LHX6: variants seen among roughly 807,000 people sequenced by gnomAD.
The protein encoded by LHX6 is LIM homeobox 6.
A neutral mutation model predicts 47.1 loss-of-function variants in LHX6; 15 were observed. The observed-to-expected ratio is 0.32, with a 90% CI of 0.21 to 0.49. The LOEUF is 0.49. LHX6 is among the 20% of genes least tolerant of loss of function. LHX6 has a pLI of 0.99. For missense variants in LHX6, 404 were observed against 539.6 expected, an observed-to-expected ratio of 0.75 and a Z score of 2.49; for synonymous variants, 242 against 233.5, an observed-to-expected ratio of 1.04 and a Z score of -0.33.
chr9:122,208,125 G>T (rs916283380), intron 9 of LHX6, among the ~76,000 whole-genome samples: 3 of 152,032 alleles, frequency 2.0e-5, no homozygotes, highest in Non-Finnish European at 2.9e-5. Context: ...CCACACTGCC[G>T]CAGCATAAAA....
chr9:122,206,801 C>T (rs1211455629), intron 9 of LHX6, among the ~76,000 whole-genome samples: 1 of 152,128 alleles, frequency 6.6e-6, no homozygotes, highest in African/African-American at 2.4e-5. Flanking sequence ...TCTGTGGCCC[C>T]TGTCGGCTCT....
chr9:122,214,925 C>T lies in LHX6; in HGVS notation c.683-542G>A, dbSNP rs1830539237. Among the ~76,000 whole-genome samples the T allele has an allele frequency of 6.6e-6, 1 of 152,190 alleles. No homozygotes were observed. Among genetic ancestry groups the T allele is most frequent in the African/African-American group, 2.4e-5 (1 of 41,450 alleles). ...ATGGAAACTTTTTACTTTCAGTATT[C>T]CTGTAACTTTTGAGGTATTTAAAAA... On this transcript the variant is annotated intron_variant, in intron 5 of 9. Transcript: ENST00000394319. The surrounding 1 kb of genome is among the most constrained non-coding windows in gnomAD (Gnocchi z 4.6).
At chr9:122,223,902 G>C (rs761301308) in intron 4 of LHX6, among the ~76,000 whole-genome samples, 1 of 152,190 alleles carries the variant, frequency 6.6e-6, no homozygotes, top group Non-Finnish European at 1.5e-5. Flanking sequence ...AGGTGTCCTA[G>C]TGGTGCCTTA....
At chr9:122,210,150 C>A (rs1451495997) in intron 8 of LHX6, among the ~76,000 whole-genome samples, 2 of 152,144 alleles carry the variant, frequency 1.3e-5, no homozygotes, top group African/African-American at 4.8e-5. Flanking sequence ...GATCTCCTGA[C>A]CTCATGATCT....
chr9:122,206,202 G>A (rs539475722), intron 9 of LHX6, among the ~76,000 whole-genome samples: 4 of 152,316 alleles, frequency 2.6e-5, no homozygotes, highest in African/African-American at 9.6e-5. Context: ...ATGACGATGC[G>A]GTGGAGGCAG....
chr9:122,213,831 G>A lies in LHX6; in HGVS notation c.880-51C>T. ...AGCCTCGAGGAAAAGAGTCGGACGC[G>A]CCGCCGGGAGACCCCAGGCGGGACT... On this transcript the variant is annotated intron_variant, in intron 7 of 9. Transcript: ENST00000394319. This position sits in a 1 kb window ranked among gnomAD's most constrained non-coding sequence, Gnocchi z 5.5. 1 of 1,544,282 alleles carries A rather than the reference G, an allele frequency of 6.5e-7. No homozygotes were observed. Among genetic ancestry groups the A allele is most frequent in the Non-Finnish European group, 8.7e-7 (1 of 1,144,058 alleles).
In LHX6 at chr9:122,214,326, G is replaced by A; in HGVS notation, c.740C>T (p.Pro247Leu). The A allele has an allele frequency of 1.2e-6, 2 of 1,600,662 alleles. No individual in the cohort carries two copies. Among genetic ancestry groups the A allele is most frequent in the Non-Finnish European group, 1.7e-6 (2 of 1,175,746 alleles). ...GAAGGACGTCCGCGCGCGCTTGGCC[G>A]GCTTGGGTTGACTGTCCTGTTCCGA... ...VPSEQDSQPK[P>L]AKRARTSFTA... The change falls in exon 6 of 10, where the codon CCG becomes CTG. Residue 247 changes from proline (P) to leucine (L), a missense_variant. By Grantham distance (98) the Pro-to-Leu change is moderately conservative. This residue lies in a region of LHX6 where 43 missense variants were observed against 84.7 expected (regional missense o/e 0.51). Coordinates refer to ENST00000394319, the MANE Select transcript of LHX6 (RefSeq NM_014368.5). This position sits in a 1 kb window ranked among gnomAD's most constrained non-coding sequence, Gnocchi z 4.6.
intron 4 of LHX6, among the ~76,000 whole-genome samples, chr9:122,218,307 C>A (rs1564440573): frequency 6.6e-6 from 1 of 152,156 alleles, no homozygotes; most frequent in Non-Finnish European, 1.5e-5. Flanking sequence ...CAGCCTGTTT[C>A]CTCTGGTACA....
At chr9:122,224,587 C>A (rs574342889) in intron 4 of LHX6, among the ~76,000 whole-genome samples, 1 of 152,160 alleles carries the variant, frequency 6.6e-6, no homozygotes, top group South Asian at 2.1e-4. Flanking sequence ...AGGAATGCCC[C>A]CTCAGAGGAG....
At position 122,214,263 on chromosome 9, in the gene LHX6, C is replaced by T. The variant is rs1830511516; in HGVS notation, c.783+20G>A. 3 of 1,573,116 alleles carry T rather than the reference C, an allele frequency of 1.9e-6. No individual in the cohort carries two copies. The highest frequency in any genetic ancestry group is 8.6e-7 in the Non-Finnish European group (1 of 1,165,486). On this transcript the variant is annotated intron_variant, in intron 6 of 9. Transcript: ENST00000394319. The surrounding 1 kb of genome is among the most constrained non-coding windows in gnomAD (Gnocchi z 4.6). ...TTCGGCCCGGCCCCCGCCCCCGCCG[C>T]CCACTGCTTGCAGCGGTACCTGCAG...
chr9:122,221,051 A>G, intron 4 of LHX6: 1 of 982,280 alleles, frequency 1.0e-6, no homozygotes. Flanking sequence ...TTAGTTACCA[A>G]GCTATTGAGC....
intron 4 of LHX6, among the ~76,000 whole-genome samples, chr9:122,219,368 A>G: frequency 6.6e-6 from 1 of 152,210 alleles, no homozygotes; most frequent in East Asian, 1.9e-4. Flanking sequence ...GACCTCGGAA[A>G]CGCGGCTTCC....
At chr9:122,218,593 C>CA (rs1454671600) in intron 4 of LHX6, among the ~76,000 whole-genome samples, 3 of 152,152 alleles carry the variant, frequency 2.0e-5, no homozygotes, top group African/African-American at 7.2e-5. Flanking sequence ...ACAGAGCAGT[C>CA]AAAGCAAAGT....
intron 2 of LHX6, 61 bp downstream of exon 2, chr9:122,227,348 A>G: frequency 7.1e-7 from 1 of 1,407,840 alleles, no homozygotes; most frequent in South Asian, 1.4e-5. Context: ...AAACCTGGCC[A>G]GGTCCCCAGG....
chr9:122,220,287 C>G (rs542325804), intron 4 of LHX6, among the ~76,000 whole-genome samples: 5 of 152,340 alleles, frequency 3.3e-5, no homozygotes, highest in African/African-American at 1.2e-4. Context: ...GCTCTAGGAT[C>G]CTCCTGTGCT....
In LHX6 at chr9:122,227,459, C is replaced by A; in HGVS notation, c.106G>T (p.Gly36Cys). 2 of 1,272,598 alleles carry A rather than the reference C, an allele frequency of 1.6e-6. No homozygotes were observed. The highest frequency in any genetic ancestry group is 2.0e-6 in the Non-Finnish European group (2 of 977,542). 78.8% of individuals were successfully genotyped at this position (1,272,598 alleles called of 1,614,324 possible). The part of the protein sequence containing the change: ...TDQVMAQPGS[G>C]CKATTRCLEG... ...AGACAGCGGGTGGTCGCTTTGCAGCCGGACCCTGGCTGGGCCATCACCTGG... is the reference window on the plus strand; with the variant it reads ...AGACAGCGGGTGGTCGCTTTGCAGCAGGACCCTGGCTGGGCCATCACCTGG... Residue 36 changes from glycine to cysteine, a missense_variant, in exon 2 of 10, where the codon GGC (glycine) becomes TGC (cysteine). By Grantham distance (159) the Gly-to-Cys change is radical. This residue lies in a region of LHX6 where 144 missense variants were observed against 128.7 expected (regional missense o/e 1.12). Coordinates refer to ENST00000394319, the MANE Select transcript of LHX6 (RefSeq NM_014368.5).
Position 122,214,184 on chromosome 9 carries a change from AC to A in LHX6, c.783+98del. 2.4e-6 allele frequency: 2 copies of A among 836,806 alleles called. No individual in the cohort carries two copies. Among genetic ancestry groups the A allele is most frequent in the East Asian group, 3.9e-5 (1 of 25,686 alleles). 51.8% of individuals were successfully genotyped at this position (836,806 alleles called of 1,614,324 possible). ...CAGGCAGCTGCGGCCCCGCCCCGCC[AC>A]CCGGGTCCGGCCCGAGGGGCGGAGC... On this transcript the variant is annotated intron_variant, in intron 6 of 9. Transcript: ENST00000394319. The surrounding 1 kb of genome is among the most constrained non-coding windows in gnomAD (Gnocchi z 4.6).
In LHX6 at chr9:122,213,014, C is replaced by T. The variant is rs1328636133; in HGVS notation, c.1054+592G>A. ...GCCTAAGGCCTCACAGCCCTGGACACTCCCATCACACTGGCCTTCTGCTCC... is the reference window on the plus strand; with the variant it reads ...GCCTAAGGCCTCACAGCCCTGGACATTCCCATCACACTGGCCTTCTGCTCC... On this transcript the variant is annotated intron_variant, in intron 8 of 9. Coordinates refer to ENST00000394319, the MANE Select transcript of LHX6 (RefSeq NM_014368.5). The surrounding 1 kb of genome is among the most constrained non-coding windows in gnomAD (Gnocchi z 5.5). Among the ~76,000 whole-genome samples the T allele has an allele frequency of 2.0e-5, 3 of 152,148 alleles. No individual in the cohort carries two copies. The highest frequency in any genetic ancestry group is 4.4e-5 in the Non-Finnish European group (3 of 68,020).
At chr9:122,211,393 G>T (rs1830393313) in intron 8 of LHX6, among the ~76,000 whole-genome samples, 2 of 152,164 alleles carry the variant, frequency 1.3e-5, no homozygotes, top group Non-Finnish European at 1.5e-5. Flanking sequence ...TCTGGGGTCT[G>T]GTTCCAAAGC....
Sources: allele counts gnomAD v4.1 joint callset (sites outside exome capture counted in the v4.1 genomes callset), GRCh38; gene constraint gnomAD v4.1.1; regional missense constraint gnomAD v4.1.1; non-coding constraint Gnocchi (gnomAD v3.1); transcripts MANE v1.5; gene names NCBI Gene and HGNC (gene_info 2026-07-23, HGNC 2026-07-21).